Variants in SERAC1 observed in about 807,000 individuals in gnomAD.
SERAC1 encodes the protein serine active site containing 1, also known as protein SERAC1.
SERAC1 carries 36 observed loss-of-function variants against 85.7 expected under a neutral mutation model. The observed-to-expected ratio is 0.42, with a 90% CI of 0.32 to 0.55. The LOEUF (loss-of-function observed/expected upper bound fraction) is 0.55. SERAC1 is among the 20% of genes least tolerant of loss of function. The pLI is 0.11. For synonymous variants in SERAC1, 242 were observed against 265.3 expected, an observed-to-expected ratio of 0.91 and a Z score of 0.85; for missense variants, 629 against 796.2, an observed-to-expected ratio of 0.79 and a Z score of 2.53.
chr6:158,137,572 A>G (rs1784822481), intron 8 of SERAC1, among the ~76,000 whole-genome samples: 2 of 152,142 alleles, frequency 1.3e-5, no homozygotes, highest in Admixed American at 1.3e-4. Flanking sequence ...GCATAAAGAC[A>G]ATGCAATCAA....
At chr6:158,147,735 A>C (rs1163873215) in intron 5 of SERAC1, among the ~76,000 whole-genome samples, 6 of 129,360 alleles carry the variant, frequency 4.6e-5, no homozygotes, top group Admixed American at 1.9e-4. Flanking sequence ...GCGCCACTGC[A>C]CTCCAGCCTG....
At chr6:158,167,290 G>A (rs984970272) in intron 1 of SERAC1, among the ~76,000 whole-genome samples, 5 of 142,616 alleles carry the variant, frequency 3.5e-5, no homozygotes, top group Non-Finnish European at 7.5e-5. Flanking sequence ...TGTAATCGCA[G>A]CACTCTGGGA....
At chr6:158,134,591 T>C (rs538221002) in intron 8 of SERAC1, among the ~76,000 whole-genome samples, 24 of 152,088 alleles carry the variant, frequency 1.6e-4, no homozygotes, top group Non-Finnish European at 2.9e-4. Context: ...CCATGTGTTA[T>C]CCCATATGGA....
rs1258208997 is a variant in SERAC1 at position 158,120,412 on chromosome 6, T to G, written c.1166+13A>C. Reference sequence around the variant, plus strand: ...TCCAAAGGGGACAAAGCAACTCTCTTCTGCTTCCTTACCTTGTTCGATATT... The same window carrying G: ...TCCAAAGGGGACAAAGCAACTCTCTGCTGCTTCCTTACCTTGTTCGATATT... On this transcript the variant is annotated intron_variant, in intron 11 of 16. Transcript: ENST00000647468. This position sits in a 1 kb window ranked among gnomAD's most constrained non-coding sequence, Gnocchi z 4.4. The G allele has an allele frequency of 2.5e-6, 4 of 1,607,228 alleles. No homozygotes were observed. The highest frequency in any genetic ancestry group is 3.4e-6 in the Non-Finnish European group (4 of 1,175,664).
In SERAC1 at chr6:158,129,920, T is replaced by C. The variant is rs560030618; in HGVS notation, c.852+453A>G. Among the ~76,000 whole-genome samples, 30 of 152,268 alleles carry C rather than the reference T, an allele frequency of 2.0e-4. No individual in the cohort carries two copies. The East Asian group carries it at 5.2e-3, about 26-fold the overall frequency. ...CATGTTGGCCAGGCTGGTCTTGAAC[T>C]CCTGACCTCAGGTGACCCACCCGCC... On this transcript the variant is annotated intron_variant, in intron 9 of 16. Transcript: ENST00000647468.
At chr6:158,158,444 C>G (rs1562461032) in intron 1 of SERAC1, 80 bp from the exon 2 acceptor site, 1 of 1,042,736 alleles carries the variant, frequency 9.6e-7, no homozygotes, top group African/African-American at 1.6e-5. Flanking sequence ...GAACATGTTA[C>G]CATCACAGTG....
Position 158,111,485 on chromosome 6 carries a change from G to T in SERAC1, c.1846C>A (p.Leu616Ile), listed in dbSNP as rs780572089. 15 of 1,599,068 alleles carry T rather than the reference G, an allele frequency of 9.4e-6. No homozygotes were observed. Among genetic ancestry groups the T allele is most frequent in the Admixed American group, 3.6e-5 (2 of 55,940 alleles). The change falls in exon 17 of 17, where the codon CTA (leucine) becomes ATA (isoleucine). Residue 616 changes from leucine (L) to isoleucine (I), a missense_variant. Transcript: ENST00000647468. ...VESADLGIGD[L>I]IPVDVNHLNI... ...AAATGGTTAACATCCACAGGAATTAGATCTCCAATGCCTAAATCTGAAGAA... is the reference window on the plus strand; with the variant it reads ...AAATGGTTAACATCCACAGGAATTATATCTCCAATGCCTAAATCTGAAGAA...
chr6:158,167,223 TAAAAAAAAAA>T (rs34350104), intron 1 of SERAC1, among the ~76,000 whole-genome samples: 1 of 101,834 alleles, frequency 9.8e-6, no homozygotes, highest in Admixed American at 1.1e-4. Flanking sequence ...CACACGATGT[TAAAAAAAAAA>T]AAAAAAAAAA....
intron 1 of SERAC1, chr6:158,161,074 T>C (rs1785476868): frequency 6.6e-6 from 1 of 152,206 alleles, no homozygotes; most frequent in Non-Finnish European, 1.5e-5. Flanking sequence ...ATTTTAGATA[T>C]ACTAAAAAAT....
chr6:158,141,221 T>C (rs1784907813), intron 8 of SERAC1, among the ~76,000 whole-genome samples: 2 of 152,188 alleles, frequency 1.3e-5, no homozygotes, highest in African/African-American at 4.8e-5. Flanking sequence ...ATTCCATTCA[T>C]ACGAAATGTC....
chr6:158,130,302 C>A lies in SERAC1; in HGVS notation c.852+71G>T, dbSNP rs141119837. The A allele has an allele frequency of 1.1e-3, 878 of 834,704 alleles. 7 individuals carry two copies. The African/African-American group carries it at 0.014, about 14-fold the overall frequency. 51.7% of individuals were successfully genotyped at this position (834,704 alleles called of 1,614,324 possible). A position where few individuals can be genotyped will look rare whatever the true frequency, so the allele number is the denominator to read the frequency against. The stretch of plus-strand genomic sequence containing the variant: ...TTACAGTAAATGATTATTGCCCTTG[C>A]AAAAATCAACCTATATAATTATTTC... On this transcript the variant is annotated intron_variant, in intron 9 of 16. Coordinates refer to ENST00000647468, the MANE Select transcript of SERAC1 (RefSeq NM_032861.4).
intron 10 of SERAC1, among the ~76,000 whole-genome samples, chr6:158,121,065 GA>G (rs1784410226): frequency 6.6e-6 from 1 of 151,970 alleles, no homozygotes; most frequent in Non-Finnish European, 1.5e-5. Context: ...GATCAGGAAG[GA>G]AAAAACATTT....
At chr6:158,159,454 G>A (rs1475159013) in intron 1 of SERAC1, among the ~76,000 whole-genome samples, 1 of 148,922 alleles carries the variant, frequency 6.7e-6, no homozygotes, top group Non-Finnish European at 1.5e-5. Flanking sequence ...AGCTGAGATT[G>A]CGCCACTGTA....
chr6:158,162,946 A>T (rs1785519230), intron 1 of SERAC1, among the ~76,000 whole-genome samples: 1 of 152,212 alleles, frequency 6.6e-6, no homozygotes, highest in Non-Finnish European at 1.5e-5. Context: ...ATAGGACAAT[A>T]GAAGCATGAT....
At chr6:158,123,804 G>C (rs1223944177) in intron 10 of SERAC1, among the ~76,000 whole-genome samples, 1 of 152,196 alleles carries the variant, frequency 6.6e-6, no homozygotes, top group Non-Finnish European at 1.5e-5. Context: ...CTGGGTTCAG[G>C]GAGGAAGTAA....
At chr6:158,124,883 G>A (rs1784506045) in intron 10 of SERAC1, among the ~76,000 whole-genome samples, 1 of 152,058 alleles carries the variant, frequency 6.6e-6, no homozygotes, top group African/African-American at 2.4e-5. Context: ...ATAATGAGGT[G>A]AGAGAATTTG....
intron 3 of SERAC1, among the ~76,000 whole-genome samples, chr6:158,154,986 G>C (rs558836492): frequency 6.6e-6 from 1 of 152,164 alleles, no homozygotes; most frequent in South Asian, 2.1e-4. Flanking sequence ...CCCAATTTAA[G>C]CCTGCCGGAG....
intron 8 of SERAC1, among the ~76,000 whole-genome samples, chr6:158,141,276 G>A (rs1462641621): frequency 6.6e-6 from 1 of 152,220 alleles, no homozygotes; most frequent in Admixed American, 6.5e-5. Flanking sequence ...TGGTTACCAG[G>A]GGCTGGAGAG....
chr6:158,147,781 A>G (rs906121420), intron 5 of SERAC1, among the ~76,000 whole-genome samples: 1,833 of 106,692 alleles, frequency 0.017, 53 homozygotes, highest in African/African-American at 0.049. Flanking sequence ...AAAAAAAAAA[A>G]AAAAAAAAAA....
Sources: allele counts gnomAD v4.1 joint callset (sites outside exome capture counted in the v4.1 genomes callset), GRCh38; gene constraint gnomAD v4.1.1; non-coding constraint Gnocchi (gnomAD v3.1); transcripts MANE v1.5; gene names NCBI Gene and HGNC (gene_info 2026-07-23, HGNC 2026-07-21).